Variants in WDR26 observed in about 807,000 individuals in gnomAD.
WDR26 encodes the protein WD repeat domain 26, also known as WD repeat-containing protein 26.
A neutral mutation model predicts 84.1 loss-of-function variants in WDR26; 5 were observed. The observed-to-expected ratio is 0.06, with a 90% CI of 0.03 to 0.13. WDR26 has a LOEUF of 0.13. Among genes scored for constraint, WDR26 ranks in the 10% least tolerant of loss-of-function variants. The probability of loss-of-function intolerance (pLI) is 1.00; values close to 1 mark genes in which losing one functional copy is unlikely to be tolerated. For missense variants in WDR26, 642 were observed against 974.9 expected, an observed-to-expected ratio of 0.66 and a Z score of 4.55; for synonymous variants, 415 against 389.6, an observed-to-expected ratio of 1.07 and a Z score of -0.77.
At chr1:224,418,197 A>G in intron 6 of WDR26, 63 bp downstream of exon 6, 1 of 1,464,662 alleles carries the variant, frequency 6.8e-7, no homozygotes, top group Non-Finnish European at 9.2e-7. Context: ...AGACTCTAAA[A>G]AAGAAAACTA....
rs758152446 is a variant in WDR26 at position 224,393,843 on chromosome 1, G to T, written c.2245C>A (p.His749Asn). ...AAGGTATTACCTTCAATATTCTGGT[G>T]GTCTATAAAAGGTGCTGGTCCCCAT... The change falls in exon 13 of 14, where the codon CAC becomes AAC. Residue 749 changes from histidine to asparagine, a missense_variant. Physicochemically the swap from His to Asn is moderately conservative, Grantham distance 68. Around this residue, in one of 2 missense-constraint regions of WDR26, gnomAD observed 351 missense variants for 672.8 expected, o/e 0.52. Coordinates refer to ENST00000414423, the MANE Select transcript of WDR26 (RefSeq NM_001379403.1). 2.6e-6 allele frequency: 4 copies of T among 1,541,066 alleles called. No homozygotes were observed. The Admixed American group carries it at 5.1e-5, about 20-fold the overall frequency.
intron 4 of WDR26, among the ~76,000 whole-genome samples, chr1:224,422,147 C>G (rs1296794361): frequency 2.0e-5 from 3 of 152,092 alleles, no homozygotes; most frequent in African/African-American, 7.2e-5. Flanking sequence ...AAGGAGTACC[C>G]AGCTATGCAA....
chr1:224,418,362 C>A lies in WDR26; in HGVS notation c.1217G>T (p.Arg406Leu). The change falls in exon 6 of 14, where the codon CGG (arginine) becomes CTG (leucine). Residue 406 changes from arginine to leucine, a missense_variant. Physicochemically the swap from Arg to Leu is moderately radical, Grantham distance 102. Coordinates refer to ENST00000414423, the MANE Select transcript of WDR26 (RefSeq NM_001379403.1). ...ATCCCTTTGTAGTTCCACCGCCTGCCGCAGGAGAGTCTGTAAACGCCGTGG... is the reference window on the plus strand; with the variant it reads ...ATCCCTTTGTAGTTCCACCGCCTGCAGCAGGAGAGTCTGTAAACGCCGTGG... 6.2e-7 allele frequency: 1 copy of A among 1,613,380 alleles called. No individual in the cohort carries two copies. The highest frequency in any genetic ancestry group is 8.5e-7 in the Non-Finnish European group (1 of 1,179,626).
At chr1:224,395,361 G>A (rs1673232011) in intron 12 of WDR26, among the ~76,000 whole-genome samples, 1 of 152,200 alleles carries the variant, frequency 6.6e-6, no homozygotes, top group South Asian at 2.1e-4. Context: ...TATCAGTTAA[G>A]TATGGCCAAT....
At chr1:224,413,243 A>G in intron 6 of WDR26, 1 of 1,098,298 alleles carries the variant, frequency 9.1e-7, no homozygotes, top group Non-Finnish European at 1.1e-6. Context: ...TTAAACAATA[A>G]TGGATACACC....
At chr1:224,402,596 T>C (rs902728440) in intron 8 of WDR26, among the ~76,000 whole-genome samples, 3 of 152,206 alleles carry the variant, frequency 2.0e-5, no homozygotes, top group African/African-American at 7.2e-5. Flanking sequence ...CACAGTTTAA[T>C]TGGTCAAAGG....
At chr1:224,398,335 T>G in intron 11 of WDR26, 109 bp from the exon 12 acceptor site, 1 of 1,410,602 alleles carries the variant, frequency 7.1e-7, no homozygotes, top group Non-Finnish European at 9.5e-7. Flanking sequence ...TTTTCTATTA[T>G]GCAAAATACC....
At chr1:224,401,132 A>G (rs926590974) in intron 8 of WDR26, 63 bp from the exon 9 acceptor site, 2 of 1,297,768 alleles carry the variant, frequency 1.5e-6, no homozygotes, top group South Asian at 1.5e-5. Flanking sequence ...ATTATGTGAG[A>G]AAAAAAAAAT....
intron 8 of WDR26, among the ~76,000 whole-genome samples, chr1:224,401,671 C>CAAAAAAAAAAAAAAAAAAAA (rs767368281): frequency 1.2e-4 from 6 of 49,632 alleles, no homozygotes; most frequent in Non-Finnish European, 1.9e-4. Context: ...GAGACTGTCT[C>CAAAAAAAAAAAAAAAAAAAA]AAAAAAAAAA....
intron 11 of WDR26, 121 bp downstream of exon 11, chr1:224,398,394 A>G: frequency 8.3e-7 from 1 of 1,205,636 alleles, no homozygotes; most frequent in South Asian, 1.6e-5. Flanking sequence ...AGGATCAATC[A>G]CATGCAATCA....
intron 7 of WDR26, among the ~76,000 whole-genome samples, chr1:224,408,633 C>CTTTTTTTTTTTTTTTTTTTTTTTTT (rs67639407): frequency 8.6e-6 from 1 of 115,856 alleles, no homozygotes; most frequent in African/African-American, 3.1e-5. Context: ...TCATCCCATT[C>CTTTTTTTTTTTTTTTTTTTTTTTTT]TTTTTTTTTT....
intron 6 of WDR26, among the ~76,000 whole-genome samples, chr1:224,415,118 T>C (rs2102909308): frequency 6.6e-6 from 1 of 152,356 alleles, no homozygotes; most frequent in East Asian, 1.9e-4. Context: ...TAACGTAATG[T>C]CTGACATTAT....
chr1:224,401,152 G>A (rs1163258118), intron 8 of WDR26, 83 bp from the exon 9 acceptor site: 46 of 1,364,142 alleles, frequency 3.4e-5, no homozygotes, highest in Non-Finnish European at 4.4e-5. Flanking sequence ...TAACTGGGAT[G>A]TCTGGCTGGT....
chr1:224,398,972 C>G lies in WDR26; in HGVS notation c.1782G>C (p.Leu594Phe), dbSNP rs143580897. 1.2e-6 allele frequency: 2 copies of G among 1,611,500 alleles called. No homozygotes were observed. Among genetic ancestry groups the G allele is most frequent in the Non-Finnish European group, 8.5e-7 (1 of 1,179,216 alleles). ...ATGCCAGAACAGTCTTTCCATCACT[C>G]AAGCACCAAAGGCATTGCACTCTTA... Residue 594 changes from leucine to phenylalanine, a missense_variant, in exon 10 of 14, where the codon TTG (leucine) becomes TTC (phenylalanine). Leu to Phe is a conservative substitution (Grantham distance 22). Transcript: ENST00000414423.
intron 7 of WDR26, among the ~76,000 whole-genome samples, chr1:224,405,612 T>A (rs761981881): frequency 2.6e-5 from 4 of 152,206 alleles, no homozygotes; most frequent in Non-Finnish European, 5.9e-5. Flanking sequence ...CTCACAAATC[T>A]AGAATATTAC....
At chr1:224,422,271 A>G (rs1674085650) in intron 4 of WDR26, among the ~76,000 whole-genome samples, 1 of 152,196 alleles carries the variant, frequency 6.6e-6, no homozygotes, top group Non-Finnish European at 1.5e-5. Flanking sequence ...GAATAAAGAA[A>G]AAGATGGCAG....
chr1:224,431,480 A>T lies in WDR26; in HGVS notation c.924T>A (p.Ile308=). The change falls in exon 3 of 14, where the codon ATT becomes ATA. Residue 308 remains isoleucine (I), a synonymous_variant. Coordinates refer to ENST00000414423, the MANE Select transcript of WDR26 (RefSeq NM_001379403.1). ...CTAAGAACAAAAGTGTATTTACCAC[A>T]ATTATTCCCAACAACGTTTGAGAGA... is the stretch of plus-strand genomic sequence containing the variant. The T allele has an allele frequency of 6.2e-7, 1 of 1,613,692 alleles. No homozygotes were observed. The highest frequency in any genetic ancestry group is 2.2e-5 in the East Asian group (1 of 44,866).
At chr1:224,404,643 T>C (rs1673503869) in intron 7 of WDR26, 73 bp from the exon 8 acceptor site, 3 of 1,523,480 alleles carry the variant, frequency 2.0e-6, no homozygotes, top group Non-Finnish European at 2.7e-6. Context: ...AGAACTTAAA[T>C]AGCTACAAAG....
At chr1:224,432,238 TTTAAAA>T (rs1674413028) in intron 1 of WDR26, among the ~76,000 whole-genome samples, 2 of 152,234 alleles carry the variant, frequency 1.3e-5, no homozygotes, top group South Asian at 2.1e-4. Flanking sequence ...TAGGTCAATC[TTTAAAA>T]TTAAAACAAA....
Sources: allele counts gnomAD v4.1 joint callset (sites outside exome capture counted in the v4.1 genomes callset), GRCh38; gene constraint gnomAD v4.1.1; regional missense constraint gnomAD v4.1.1; transcripts MANE v1.5; gene names NCBI Gene and HGNC (gene_info 2026-07-23, HGNC 2026-07-21).